DGKI: variants seen among roughly 807,000 people sequenced by gnomAD.
DGKI encodes DAG kinase iota.
A neutral mutation model predicts 147.5 loss-of-function variants in DGKI; 55 were observed. The ratio of observed to expected loss-of-function variants is 0.37; its 90% CI spans 0.30 to 0.47. The LOEUF is 0.47. Among genes scored for constraint, DGKI ranks in the 20% least tolerant of loss-of-function variants. The pLI, the probability that DGKI is intolerant of heterozygous loss-of-function variation, is 1.00. For missense variants in DGKI, 1,007 were observed against 1,323.8 expected, an observed-to-expected ratio of 0.76 and a Z score of 3.71; for synonymous variants, 469 against 477.1, an observed-to-expected ratio of 0.98 and a Z score of 0.22.
chr7:137,437,774 A>T (rs1813337904), intron 28 of DGKI, among the ~76,000 whole-genome samples: 1 of 152,186 alleles, frequency 6.6e-6, no homozygotes, highest in African/African-American at 2.4e-5. Context: ...ACAGGGATAG[A>T]TATATTCATC....
intron 1 of DGKI, among the ~76,000 whole-genome samples, chr7:137,771,114 G>A (rs1796182040): frequency 6.6e-6 from 1 of 151,596 alleles, no homozygotes; most frequent in South Asian, 2.1e-4. Context: ...TTTTGAGATG[G>A]CATCTCACCT....
At chr7:137,574,709 C>T (rs572336733) in intron 17 of DGKI, among the ~76,000 whole-genome samples, 3 of 152,186 alleles carry the variant, frequency 2.0e-5, no homozygotes, top group African/African-American at 7.2e-5. Context: ...TTCAAATACA[C>T]ACAAAGGGAC....
At chr7:137,398,520 A>G (rs1041198019) in intron 30 of DGKI, among the ~76,000 whole-genome samples, 6 of 152,170 alleles carry the variant, frequency 3.9e-5, no homozygotes, top group Non-Finnish European at 8.8e-5. Flanking sequence ...TGTCTTTAGA[A>G]AGACGATCCT....
At chr7:137,760,725 T>G (rs1447826743) in intron 1 of DGKI, among the ~76,000 whole-genome samples, 1 of 152,166 alleles carries the variant, frequency 6.6e-6, no homozygotes, top group Non-Finnish European at 1.5e-5. Flanking sequence ...GCTAAAGTTA[T>G]TAGATGGGTC....
At chr7:137,466,523 G>A (rs538437820) in intron 25 of DGKI, among the ~76,000 whole-genome samples, 3 of 152,026 alleles carry the variant, frequency 2.0e-5, no homozygotes, top group African/African-American at 4.8e-5. Context: ...AGGGATTGGC[G>A]AACTGAAACT....
chr7:137,714,605 G>A (rs1030867296), intron 1 of DGKI, among the ~76,000 whole-genome samples: 1 of 152,154 alleles, frequency 6.6e-6, no homozygotes, highest in Admixed American at 6.6e-5. Context: ...AGAACAGAAA[G>A]CAGCCACCTT....
At chr7:137,709,296 G>A (rs1227157921) in intron 1 of DGKI, among the ~76,000 whole-genome samples, 2 of 152,152 alleles carry the variant, frequency 1.3e-5, no homozygotes, top group Non-Finnish European at 2.9e-5. Context: ...GGGAGTCACA[G>A]AGTTTCGTGT....
intron 6 of DGKI, among the ~76,000 whole-genome samples, chr7:137,629,712 T>C (rs1821065111): frequency 6.6e-6 from 1 of 152,244 alleles, no homozygotes. Context: ...AAACCCACCA[T>C]AACCCAACTC....
At chr7:137,618,165 A>T (rs1380229795) in intron 8 of DGKI, among the ~76,000 whole-genome samples, 19 of 55,454 alleles carry the variant, frequency 3.4e-4, no homozygotes, top group African/African-American at 9.5e-4. Flanking sequence ...TTTTTTTTTT[A>T]CTCTATCATT....
chr7:137,603,619 C>T (rs762911862), intron 10 of DGKI, among the ~76,000 whole-genome samples: 92 of 152,158 alleles, frequency 6.0e-4, no homozygotes, highest in Non-Finnish European at 9.8e-4. Context: ...CTGATACAGA[C>T]GTCTGCTAAG....
chr7:137,752,769 G>C (rs867654438), intron 1 of DGKI, among the ~76,000 whole-genome samples: 2 of 152,100 alleles, frequency 1.3e-5, no homozygotes, highest in Admixed American at 6.5e-5. Context: ...TCGCTCACTT[G>C]GGGAGCTTGG....
intron 20 of DGKI, among the ~76,000 whole-genome samples, chr7:137,541,299 GT>G (rs956301246): frequency 1.5e-4 from 23 of 152,114 alleles, no homozygotes; most frequent in Non-Finnish European, 5.9e-5. Flanking sequence ...ATTTCTGTGG[GT>G]TCTACATCTG....
At chr7:137,485,222 CA>C in intron 23 of DGKI, 151 bp downstream of exon 23, 1 of 663,984 alleles carries the variant, frequency 1.5e-6, no homozygotes, top group South Asian at 2.3e-5. Context: ...CAGGAAAATG[CA>C]AAAGAATCAG....
At chr7:137,427,728 G>T (rs898374058) in intron 28 of DGKI, among the ~76,000 whole-genome samples, 2 of 152,076 alleles carry the variant, frequency 1.3e-5, no homozygotes, top group African/African-American at 4.8e-5. Context: ...TATCACCACT[G>T]ATCCCACAGA....
At chr7:137,705,181 C>G (rs1032122408) in intron 1 of DGKI, among the ~76,000 whole-genome samples, 2 of 152,050 alleles carry the variant, frequency 1.3e-5, no homozygotes, top group Admixed American at 1.3e-4. Context: ...ATCACTTTGA[C>G]AACTATTAGA....
chr7:137,654,725 T>C lies in DGKI; in HGVS notation c.738+7A>G. 1 of 1,586,800 alleles carries C rather than the reference T, an allele frequency of 6.3e-7. No homozygotes were observed. The highest frequency in any genetic ancestry group is 8.7e-7 in the Non-Finnish European group (1 of 1,156,028). On this transcript the variant is annotated splice_region_variant and intron_variant, in intron 5 of 32. Transcript: ENST00000614521. ...TGATACTTGAAATCAAGCTCTGAAATACTCACTTCTCTTGGTGACCTTGAG... is the reference window on the plus strand; with the variant it reads ...TGATACTTGAAATCAAGCTCTGAAACACTCACTTCTCTTGGTGACCTTGAG...
chr7:137,552,578 CAA>C lies in DGKI; in HGVS notation c.1948-12_1948-11del. 1 of 1,613,686 alleles carries C rather than the reference CAA, an allele frequency of 6.2e-7. No homozygotes were observed. The highest frequency in any genetic ancestry group is 8.5e-7 in the Non-Finnish European group (1 of 1,179,872). On this transcript the variant is annotated splice_polypyrimidine_tract_variant and intron_variant, in intron 19 of 32. Coordinates refer to ENST00000614521, the MANE Select transcript of DGKI (RefSeq NM_001321708.2). ...CAACTTGCAGGGCTGCCTATAAAAA[CAA>C]GAGTCAAAGGGGAGCAAGGAGTTAG...
chr7:137,761,268 T>G (rs1725867444), intron 1 of DGKI, among the ~76,000 whole-genome samples: 4 of 152,224 alleles, frequency 2.6e-5, no homozygotes, highest in Admixed American at 2.6e-4. Context: ...AACAAGTGAT[T>G]GTGGTGGTCA....
At chr7:137,634,820 C>G (rs1046443681) in intron 6 of DGKI, among the ~76,000 whole-genome samples, 2 of 152,210 alleles carry the variant, frequency 1.3e-5, no homozygotes, top group Non-Finnish European at 2.9e-5. Context: ...TGCACTGAAG[C>G]CTACTCAGGA....
Sources: gnomAD v4.1 joint callset for allele counts (sites outside exome capture counted in the v4.1 genomes callset) on GRCh38, gnomAD v4.1.1 for gene constraint, MANE v1.5 for transcripts, NCBI Gene and HGNC (gene_info 2026-07-23, HGNC 2026-07-21) for gene names.